The following CEP350 variants were observed in gnomAD, a reference collection of about 807,000 sequenced individuals.
The protein encoded by CEP350 is centrosome-associated protein 350.
A neutral mutation model predicts 331.8 loss-of-function variants in CEP350; 126 were observed. The observed-to-expected ratio is 0.38, with a 90% CI of 0.33 to 0.44. The LOEUF (loss-of-function observed/expected upper bound fraction) is 0.44, where lower values mean the gene tolerates loss of function less well. CEP350 is among the 20% of genes least tolerant of loss of function. The pLI is 1.00. For synonymous variants in CEP350, 1,200 were observed against 1,259.5 expected (o/e 0.95, Z 1.00); for missense variants, 3,406 against 3,634.6 (o/e 0.94, Z 1.62).
intron 37 of CEP350, among the ~76,000 whole-genome samples, chr1:180,108,190 C>T (rs1168570398): frequency 6.6e-6 from 1 of 151,954 alleles, no homozygotes; most frequent in African/African-American, 2.4e-5. Context: ...TCTTACATTT[C>T]AGTGGGGGCT....
intron 1 of CEP350, among the ~76,000 whole-genome samples, chr1:179,961,255 GGC>G: frequency 6.6e-6 from 1 of 152,108 alleles, no homozygotes; most frequent in Non-Finnish European, 1.5e-5. Context: ...AGACCAACCT[GGC>G]CAACGTGGTG....
intron 1 of CEP350, among the ~76,000 whole-genome samples, chr1:179,980,977 G>A (rs557806757): frequency 2.6e-4 from 40 of 152,008 alleles, no homozygotes; most frequent in Middle Eastern, 6.8e-3. Flanking sequence ...AAAAGGAAAG[G>A]GCAGATTCAA....
At chr1:180,035,286 G>T (rs935341730) in intron 16 of CEP350, among the ~76,000 whole-genome samples, 7 of 152,232 alleles carry the variant, frequency 4.6e-5, no homozygotes, top group African/African-American at 1.7e-4. Context: ...AGCAACAAGT[G>T]CTAATGTAGA....
chr1:179,982,519 GTTTA>G (rs1160704986), intron 1 of CEP350, among the ~76,000 whole-genome samples: 1 of 152,084 alleles, frequency 6.6e-6, no homozygotes, highest in Non-Finnish European at 1.5e-5. Flanking sequence ...ATTTTCTCTT[GTTTA>G]TTCATTTATA....
At chr1:179,992,355 T>C in intron 5 of CEP350, 134 bp downstream of exon 5, 1 of 647,872 alleles carries the variant, frequency 1.5e-6, no homozygotes, top group Admixed American at 4.4e-5. Flanking sequence ...ATTACTACCT[T>C]TTTCATTCTC....
intron 14 of CEP350, among the ~76,000 whole-genome samples, chr1:180,030,380 T>G (rs1359304573): frequency 6.7e-6 from 1 of 148,348 alleles, no homozygotes; most frequent in Non-Finnish European, 1.5e-5. Context: ...ATATATATTT[T>G]ATATTTAAAA....
chr1:180,093,201 C>T lies in CEP350; in HGVS notation c.7096C>T (p.His2366Tyr). The T allele has an allele frequency of 1.2e-6, 2 of 1,600,446 alleles. No individual in the cohort carries two copies. The highest frequency in any genetic ancestry group is 8.5e-7 in the Non-Finnish European group (1 of 1,172,610). Residue 2366 changes from histidine (H) to tyrosine (Y), a missense_variant, in exon 34 of 38, where the codon CAT becomes TAT. This residue lies in a region of CEP350 where 1,415 missense variants were observed against 1,512.3 expected (regional missense o/e 0.94). Coordinates refer to ENST00000367607, the MANE Select transcript of CEP350 (RefSeq NM_014810.5). ...GGAAAAAGATTTGTCTTGGTCAGAA[C>T]ATCTTTTTGCTCCTAAAGAGATACC... ...TKEKDLSWSE[H>Y]LFAPKEIPYS...
chr1:180,054,072 C>A, intron 24 of CEP350, 138 bp downstream of exon 24: 3 of 542,524 alleles, frequency 5.5e-6, no homozygotes, highest in East Asian at 5.6e-5. Context: ...GGCAGTCATA[C>A]TTGATTTGTA....
At chr1:180,097,013 C>T (rs534052284) in intron 36 of CEP350, among the ~76,000 whole-genome samples, 125 of 152,318 alleles carry the variant, frequency 8.2e-4, no homozygotes, top group African/African-American at 2.8e-3. Context: ...CCCAGGACCA[C>T]GCTGAGTAGC....
intron 37 of CEP350, among the ~76,000 whole-genome samples, chr1:180,104,356 C>T (rs3767200): frequency 0.58 from 88,607 of 151,800 alleles, 27,172 homozygotes; most frequent in East Asian, 0.72. Context: ...AATGAAGTCA[C>T]CTTTTCCTAT....
intron 26 of CEP350, among the ~76,000 whole-genome samples, chr1:180,064,042 A>C (rs564622049): frequency 6.6e-6 from 1 of 152,280 alleles, no homozygotes; most frequent in African/African-American, 2.4e-5. Flanking sequence ...TCTGCAGACT[A>C]CCTGAAAGTG....
In CEP350 at chr1:180,020,366, G is replaced by T. The variant is rs556800091; in HGVS notation, c.2592G>T (p.Gln864His). The change falls in exon 12 of 38, where the codon CAG becomes CAT. Residue 864 changes from glutamine to histidine, a missense_variant. Around this residue, in one of 5 missense-constraint regions of CEP350, gnomAD observed 1,857 missense variants for 1,909.2 expected, o/e 0.97. Coordinates refer to ENST00000367607, the MANE Select transcript of CEP350 (RefSeq NM_014810.5). ...GSAWNTEYDVQQAPQEDGPWT... is the reference protein window; with the variant it reads ...GSAWNTEYDVHQAPQEDGPWT... ...CATGGAACACTGAGTATGATGTGCA[G>T]CAGGCACCTCAAGAAGATGGACCTT... 10 of 1,613,726 alleles carry T rather than the reference G, an allele frequency of 6.2e-6. No homozygotes were observed. The East Asian group carries it at 2.2e-4, about 36-fold the overall frequency.
Position 180,020,753 on chromosome 1 carries a change from C to T in CEP350, c.2979C>T (p.Leu993=), listed in dbSNP as rs1431849619. The change falls in exon 12 of 38, where the codon CTC becomes CTT. Residue 993 remains leucine, a synonymous_variant. Transcript: ENST00000367607. ...GGCCTCTTCTTAGTGAGGGGAGTCT[C>T]TCTGAAGAAGAGGGAGACCAGGATG... ...SEGPLLSEGS[L]SEEEGDQDGQ... 1 of 1,613,890 alleles carries T rather than the reference C, an allele frequency of 6.2e-7. No homozygotes were observed. Among genetic ancestry groups the T allele is most frequent in the East Asian group, 2.2e-5 (1 of 44,900 alleles).
rs1209899515 is a variant in CEP350, at chr1:180,014,929, A to C, written c.2052+424A>C. 5.2e-5 allele frequency among the ~76,000 whole-genome samples: 8 copies of C among 152,382 alleles called. No homozygotes were observed. The South Asian group carries it at 1.7e-3, about 32-fold the overall frequency. On this transcript the variant is annotated intron_variant, in intron 10 of 37. Coordinates refer to ENST00000367607, the MANE Select transcript of CEP350 (RefSeq NM_014810.5). ...GAAGCCTTATAACATAATGTTGATT[A>C]ACACATATTTTATATGTTGTCTATA...
chr1:180,079,630 T>C (rs1185687258), intron 29 of CEP350, among the ~76,000 whole-genome samples: 1 of 151,964 alleles, frequency 6.6e-6, no homozygotes, highest in Non-Finnish European at 1.5e-5. Context: ...TAGACTTATA[T>C]AGATAATTTA....
intron 1 of CEP350, among the ~76,000 whole-genome samples, chr1:179,956,236 T>C (rs1416005736): frequency 6.6e-6 from 1 of 152,226 alleles, no homozygotes; most frequent in African/African-American, 2.4e-5. Context: ...TTATTTAATG[T>C]AATGAAATAA....
intron 21 of CEP350, among the ~76,000 whole-genome samples, chr1:180,047,578 G>A (rs934687410): frequency 6.6e-6 from 1 of 151,480 alleles, no homozygotes; most frequent in Non-Finnish European, 1.5e-5. Flanking sequence ...CCAACATAGC[G>A]AAGCCCCATC....
intron 22 of CEP350, 135 bp from the exon 23 acceptor site, chr1:180,052,827 GTTTATTAT>G: frequency 2.4e-6 from 1 of 418,590 alleles, no homozygotes; most frequent in Non-Finnish European, 4.2e-6. Context: ...AATGAATTTT[GTTTATTAT>G]TTCATGTCTA....
Position 180,031,490 on chromosome 1 carries a change from G to A in CEP350, c.3721G>A (p.Val1241Met), listed in dbSNP as rs141364391. The part of the protein sequence containing the change: ...STLEDLSGHS[V>M]SVSSDKGRSQ... ...TTTGGAGGATCTTTCTGGACATTCT[G>A]TGAGGTAATGTATATTTTATACTGT... is the stretch of plus-strand genomic sequence containing the variant. The change falls in exon 15 of 38, where the codon GTG (valine) becomes ATG (methionine). Residue 1241 changes from valine (V) to methionine (M), a missense_variant. Val to Met is a conservative substitution (Grantham distance 21, BLOSUM62 1). Around this residue, in one of 5 missense-constraint regions of CEP350, gnomAD observed 1,857 missense variants for 1,909.2 expected, o/e 0.97. Coordinates refer to ENST00000367607, the MANE Select transcript of CEP350 (RefSeq NM_014810.5). 45 of 1,410,232 alleles carry A rather than the reference G, an allele frequency of 3.2e-5. No individual in the cohort carries two copies. Among genetic ancestry groups the A allele is most frequent in the Non-Finnish European group, 3.7e-5 (39 of 1,060,946 alleles). The allele number at this position is 1,410,232 out of a possible 1,614,324, so 87.4% of individuals were successfully genotyped here. A position where few individuals can be genotyped will look rare whatever the true frequency, so the allele number is the denominator to read the frequency against.
Sources: gnomAD v4.1 joint callset for allele counts (sites outside exome capture counted in the v4.1 genomes callset) on GRCh38, gnomAD v4.1.1 for gene constraint, gnomAD v4.1.1 regional missense constraint, MANE v1.5 for transcripts, NCBI Gene and HGNC (gene_info 2026-07-23, HGNC 2026-07-21) for gene names.